Variants in MAGEA12 observed in about 807,000 individuals in gnomAD.
The protein encoded by MAGEA12 is melanoma-associated antigen 12.
For synonymous variants in MAGEA12, 135 were observed against 104.7 expected (o/e 1.29, Z -1.77); for missense variants, 235 against 240.1 (o/e 0.98, Z 0.14).
chrX:152,736,800 C>A lies in MAGEA12; in HGVS notation c.639C>A (p.Gly213=). The part of the protein sequence containing the change: ...IIVLAIIAKE[G]DCAPEEKIWE... ...TCCTGGCCATAATCGCAAAAGAGGGCGACTGTGCCCCTGAGGAGAAAATCT... is the reference window on the plus strand; with the variant it reads ...TCCTGGCCATAATCGCAAAAGAGGGAGACTGTGCCCCTGAGGAGAAAATCT... The change falls in exon 3 of 3, where the codon GGC becomes GGA. Residue 213 remains glycine (G), a synonymous_variant. Transcript: ENST00000393869. 8.3e-7 allele frequency: 1 copy of A among 1,211,735 alleles called. No individual in the cohort carries two copies. The highest frequency in any genetic ancestry group is 1.1e-6 in the Non-Finnish European group (1 of 895,545).
Position 152,737,508 on chromosome X carries a change from A to T in MAGEA12, c.*402A>T. ...AGTATGTGCTTAGAATTGTGAAAGA[A>T]TTAGCAGTAAAATACATGAGATAAA... On this transcript the variant is annotated 3_prime_UTR_variant, in exon 3 of 3. Transcript: ENST00000393869. 3.6e-6 allele frequency: 1 copy of T among 278,131 alleles called. No individual in the cohort carries two copies. Among genetic ancestry groups the T allele is most frequent in the South Asian group, 4.0e-5 (1 of 24,698 alleles). 22.9% of individuals were successfully genotyped at this position (278,131 alleles called of 1,213,427 possible). A position where few individuals can be genotyped will look rare whatever the true frequency, so the allele number is the denominator to read the frequency against.
chrX:152,737,662 A>G lies in MAGEA12; in HGVS notation c.*556A>G, dbSNP rs1932360542. 5.1e-6 allele frequency: 1 copy of G among 196,137 alleles called. No homozygotes were observed. The highest frequency in any genetic ancestry group is 9.8e-6 in the Non-Finnish European group (1 of 102,443). 16.2% of individuals were successfully genotyped at this position (196,137 alleles called of 1,213,427 possible). ...AGAATTTAAGAGAAATTAAATCTGA[A>G]TAAATAATTCTTCCTGTTCACTGGC... is the stretch of plus-strand genomic sequence containing the variant. On this transcript the variant is annotated 3_prime_UTR_variant, in exon 3 of 3. Coordinates refer to ENST00000393869, the MANE Select transcript of MAGEA12 (RefSeq NM_001166387.4).
rs1355198298 is a variant in MAGEA12, at chrX:152,736,048, C to G, written c.-75-39C>G. On this transcript the variant is annotated intron_variant, in intron 2 of 2. Coordinates refer to ENST00000393869, the MANE Select transcript of MAGEA12 (RefSeq NM_001166387.4). ...TCCTTCAGCCTCAGCATGTGCTGGC[C>G]GGCTGTACCCTGAGGCGCCCTCTCA... 5.0e-6 allele frequency: 4 copies of G among 801,016 alleles called. No individual in the cohort carries two copies. In the East Asian group the frequency reaches 1.3e-4, roughly 26 times the overall value. The allele number at this position is 801,016 out of a possible 1,213,427, so 66.0% of individuals were successfully genotyped here. A position where few individuals can be genotyped will look rare whatever the true frequency, so the allele number is the denominator to read the frequency against.
chrX:152,736,008 C>T (rs1460041481), intron 2 of MAGEA12, 79 bp from the exon 3 acceptor site: 22 of 581,653 alleles, frequency 3.8e-5, no homozygotes, highest in Non-Finnish European at 5.7e-5. Context: ...CTGGCCTCAC[C>T]CTCCCTACTG....
intron 2 of MAGEA12, among the ~76,000 whole-genome samples, chrX:152,735,509 C>G (rs1342595002): frequency 2.7e-5 from 3 of 111,908 alleles, no homozygotes; most frequent in Admixed American, 9.3e-5. Context: ...GGCTCGTCAC[C>G]CAGGACACCT....
In MAGEA12 at chrX:152,737,414, G is replaced by A; in HGVS notation, c.*308G>A. The A allele has an allele frequency of 2.5e-6, 1 of 400,798 alleles. No individual in the cohort carries two copies. The highest frequency in any genetic ancestry group is 5.7e-5 in the East Asian group (1 of 17,465). The allele number at this position is 400,798 out of a possible 1,213,427, so 33.0% of individuals were successfully genotyped here. On this transcript the variant is annotated 3_prime_UTR_variant, in exon 3 of 3. Coordinates refer to ENST00000393869, the MANE Select transcript of MAGEA12 (RefSeq NM_001166387.4). ...GTTTATATAGTTTAGGAGTAAGAGT[G>A]TTGTTTTTTATTCAGATTGGGAAAT... is the stretch of plus-strand genomic sequence containing the variant.
chrX:152,734,833 G>A (rs781832488), intron 1 of MAGEA12, among the ~76,000 whole-genome samples: 1 of 112,821 alleles, frequency 8.9e-6, no homozygotes, highest in African/African-American at 3.2e-5. Context: ...CAGAAAGAAG[G>A]GATGCCACAG....
rs141433280 is a variant in MAGEA12 at position 152,735,904 on chromosome X, C to T, written c.-75-183C>T. 4.8e-4 allele frequency among the ~76,000 whole-genome samples: 54 copies of T among 112,607 alleles called. No homozygotes were observed. The East Asian group carries it at 0.012, about 24-fold the overall frequency. ...GAGGCAGTGTCCTGAGGTCACAGAGCAGAGGGGGTGCAGACAGTGCCAACA... is the reference window on the plus strand; with the variant it reads ...GAGGCAGTGTCCTGAGGTCACAGAGTAGAGGGGGTGCAGACAGTGCCAACA... On this transcript the variant is annotated intron_variant, in intron 2 of 2. Coordinates refer to ENST00000393869, the MANE Select transcript of MAGEA12 (RefSeq NM_001166387.4).
intron 1 of MAGEA12, 48 bp downstream of exon 1, chrX:152,733,907 G>T (rs2124971438): frequency 9.1e-6 from 1 of 110,382 alleles, no homozygotes; most frequent in South Asian, 4.0e-4. Context: ...CAGACAGAGG[G>T]CCCCCAATAA....
At position 152,736,082 on chromosome X, in the gene MAGEA12, T is replaced by G. The variant is rs782189184; in HGVS notation, c.-75-5T>G. Reference sequence around the variant, plus strand: ...CCTGAGGCGCCCTCTCACTTGTTCCTTCAGGTTCTGAGGAGACAGGCCCCG... The same window carrying G: ...CCTGAGGCGCCCTCTCACTTGTTCCGTCAGGTTCTGAGGAGACAGGCCCCG... On this transcript the variant is annotated splice_region_variant and splice_polypyrimidine_tract_variant and intron_variant, in intron 2 of 2. Coordinates refer to ENST00000393869, the MANE Select transcript of MAGEA12 (RefSeq NM_001166387.4). 4.7e-6 allele frequency: 5 copies of G among 1,065,927 alleles called. No individual in the cohort carries two copies. In the African/African-American group the frequency reaches 9.3e-5, roughly 20 times the overall value. The allele number at this position is 1,065,927 out of a possible 1,213,427, so 87.8% of individuals were successfully genotyped here.
chrX:152,735,468 C>T (rs1932293110), intron 2 of MAGEA12, among the ~76,000 whole-genome samples: 1 of 111,818 alleles, frequency 8.9e-6, no homozygotes, highest in Non-Finnish European at 1.9e-5. Context: ...GGCTCTCAGG[C>T]CCTAGCAGGA....
intron 2 of MAGEA12, 72 bp from the exon 3 acceptor site, chrX:152,736,015 A>G (rs1368038835): frequency 1.7e-6 from 1 of 605,543 alleles, no homozygotes; most frequent in Non-Finnish European, 2.6e-6. Context: ...CACCCTCCCT[A>G]CTGTCATTCC....
Position 152,736,835 on chromosome X carries a change from T to C in MAGEA12, c.674T>C (p.Leu225Pro). ...CCTGAGGAGAAAATCTGGGAGGAGC[T>C]GAGTGTGTTGGAGGCATCTGATGGG... ...CAPEEKIWEE[L>P]SVLEASDGRE... Residue 225 changes from leucine (L) to proline (P), a missense_variant, in exon 3 of 3, where the codon CTG becomes CCG. Coordinates refer to ENST00000393869, the MANE Select transcript of MAGEA12 (RefSeq NM_001166387.4). The C allele has an allele frequency of 8.3e-7, 1 of 1,211,721 alleles. No individual in the cohort carries two copies. The highest frequency in any genetic ancestry group is 1.1e-6 in the Non-Finnish European group (1 of 895,528).
rs1932284343 is a variant in MAGEA12 at position 152,735,241 on chromosome X, A to G, written c.-88A>G. The G allele has an allele frequency of 1.7e-5, 2 of 121,112 alleles. No individual in the cohort carries two copies. Among genetic ancestry groups the G allele is most frequent in the South Asian group, 7.4e-4 (2 of 2,717 alleles). 10.0% of individuals were successfully genotyped at this position (121,112 alleles called of 1,213,427 possible). ...GACAGACACAGTGGTCCTAAGATCT[A>G]CCAAGCATCCAGGTGAGAAGCCTGA... On this transcript the variant is annotated 5_prime_UTR_variant, in exon 2 of 3. Transcript: ENST00000393869.
chrX:152,734,029 T>C (rs1276096599), intron 1 of MAGEA12, 170 bp downstream of exon 1: 1 of 109,022 alleles, frequency 9.2e-6, no homozygotes, highest in Non-Finnish European at 1.9e-5. Context: ...CGCAGGGAAC[T>C]CTGGTGTAAG....
Position 152,737,324 on chromosome X carries a change from T to A in MAGEA12, c.*218T>A. 1.9e-6 allele frequency: 1 copy of A among 526,385 alleles called. No homozygotes were observed. The allele number at this position is 526,385 out of a possible 1,213,427, so 43.4% of individuals were successfully genotyped here. ...TGTTGGAATTGTTCAAATGTTCCTT[T>A]TAACGGATGGTTGAATGAACTTCAG... is the stretch of plus-strand genomic sequence containing the variant. On this transcript the variant is annotated 3_prime_UTR_variant, in exon 3 of 3. Coordinates refer to ENST00000393869, the MANE Select transcript of MAGEA12 (RefSeq NM_001166387.4).
Position 152,736,673 on chromosome X carries a change from G to T in MAGEA12, c.512G>T (p.Arg171Leu). ...GGCATCGAGGTGGTGGAAGTGGTCC[G>T]CATCGGCCACTTGTACATCCTTGTC... is the stretch of plus-strand genomic sequence containing the variant. ...VFGIEVVEVV[R>L]IGHLYILVTC... Residue 171 changes from arginine (R) to leucine (L), a missense_variant, in exon 3 of 3, where the codon CGC (arginine) becomes CTC (leucine). Coordinates refer to ENST00000393869, the MANE Select transcript of MAGEA12 (RefSeq NM_001166387.4). 2 of 1,211,836 alleles carry T rather than the reference G, an allele frequency of 1.7e-6. No homozygotes were observed. The highest frequency in any genetic ancestry group is 2.2e-6 in the Non-Finnish European group (2 of 895,560).
chrX:152,736,425 C>G lies in MAGEA12; in HGVS notation c.264C>G (p.Ser88Arg). 1.7e-6 allele frequency: 2 copies of G among 1,211,705 alleles called. No individual in the cohort carries two copies. Among genetic ancestry groups the G allele is most frequent in the Non-Finnish European group, 2.2e-6 (2 of 895,471 alleles). ...TLWSQSDEGS[S>R]NEEQEGPSTF... is the part of the protein sequence containing the mutation. Reference sequence around the variant, plus strand: ...GGAGTCAATCCGATGAGGGCTCCAGCAACGAAGAACAGGAAGGGCCAAGCA... The same window carrying G: ...GGAGTCAATCCGATGAGGGCTCCAGGAACGAAGAACAGGAAGGGCCAAGCA... Residue 88 changes from serine (S) to arginine (R), a missense_variant, in exon 3 of 3, where the codon AGC becomes AGG. Physicochemically the swap from Ser to Arg is moderately radical, Grantham distance 110 (BLOSUM62 -1). Transcript: ENST00000393869.
chrX:152,734,141 C>G (rs1427933699), intron 1 of MAGEA12: 1 of 105,465 alleles, frequency 9.5e-6, no homozygotes. Context: ...GGTAACCCCC[C>G]GCACCCCCAC....
Sources: allele counts gnomAD v4.1 joint callset (sites outside exome capture counted in the v4.1 genomes callset), GRCh38; gene constraint gnomAD v4.1.1; transcripts MANE v1.5; gene names NCBI Gene and HGNC (gene_info 2026-07-23, HGNC 2026-07-21).